The following PCDHGA2 variants were observed in gnomAD, a reference collection of about 807,000 sequenced individuals.
The protein encoded by PCDHGA2 is protocadherin gamma-A2.
Under a neutral mutation model 59.2 loss-of-function variants are expected in PCDHGA2, and 40 were observed. The ratio of observed to expected loss-of-function variants is 0.68; its 90% CI spans 0.52 to 0.88. The LOEUF is 0.88. Ranked by LOEUF, PCDHGA2 falls within the 40% of genes least tolerant of loss-of-function variation. The pLI is 0.00. For synonymous variants in PCDHGA2, 560 were observed against 526.0 expected (o/e 1.06, Z -0.89); for missense variants, 1,226 against 1,204.0 (o/e 1.02, Z -0.27).
intron 1 of PCDHGA2, among the ~76,000 whole-genome samples, chr5:141,449,549 A>G (rs1431239786): frequency 6.8e-6 from 1 of 147,830 alleles, no homozygotes; most frequent in East Asian, 2.0e-4. Context: ...AGATCGCACC[A>G]CTGCACTCCA....
rs771162532 is a variant in PCDHGA2, at chr5:141,491,756, C to A, written c.2425-3051C>A. On this transcript the variant is annotated intron_variant, in intron 1 of 3. Transcript: ENST00000394576. The surrounding 1 kb of genome is among the most constrained non-coding windows in gnomAD (Gnocchi z 6.9). ...CCTGGGGGCGGCACTGGAGAAGCCGCCCGTCCTCATAAGGGATTGAACTTG... is the reference window on the plus strand; with the variant it reads ...CCTGGGGGCGGCACTGGAGAAGCCGACCGTCCTCATAAGGGATTGAACTTG... The A allele has an allele frequency of 6.3e-7, 1 of 1,581,720 alleles. No individual in the cohort carries two copies. Among genetic ancestry groups the A allele is most frequent in the Middle Eastern group, 1.7e-4 (1 of 5,958 alleles).
Position 141,345,233 on chromosome 5 carries a change from A to G in PCDHGA2, c.2424+3838A>G, listed in dbSNP as rs202138177. On this transcript the variant is annotated intron_variant, in intron 1 of 3. Transcript: ENST00000394576. The stretch of plus-strand genomic sequence containing the variant: ...TTAAGTTAGAAAAATCAATAGATCA[A>G]TATTACCGCTTAGTGACGGCCACAT... 364 of 1,613,968 alleles carry G rather than the reference A, an allele frequency of 2.3e-4. No individual in the cohort carries two copies. In the East Asian group the frequency reaches 7.0e-3, roughly 31 times the overall value.
At chr5:141,375,214 C>G in intron 1 of PCDHGA2, 1 of 1,613,810 alleles carries the variant, frequency 6.2e-7, no homozygotes. Flanking sequence ...GAGACTCTGG[C>G]CTGAATGGCC....
Position 141,492,023 on chromosome 5 carries a change from C to G in PCDHGA2, c.2425-2784C>G, listed in dbSNP as rs536734764. 1.8e-4 allele frequency: 102 copies of G among 564,804 alleles called. 3 individuals carry two copies. In the South Asian group the frequency reaches 2.8e-3, roughly 15 times the overall value. The allele number at this position is 564,804 out of a possible 1,614,324, so 35.0% of individuals were successfully genotyped here. A position where few individuals can be genotyped will look rare whatever the true frequency, so the allele number is the denominator to read the frequency against. On this transcript the variant is annotated intron_variant, in intron 1 of 3. Coordinates refer to ENST00000394576, the MANE Select transcript of PCDHGA2 (RefSeq NM_018915.4). Reference sequence around the variant, plus strand: ...CGATTTCCGCGGGTGTCGGGGGTCCCGGGAGGAGGCAGTCACAGATCCACC... The same window carrying G: ...CGATTTCCGCGGGTGTCGGGGGTCCGGGGAGGAGGCAGTCACAGATCCACC...
intron 1 of PCDHGA2, chr5:141,384,334 C>G (rs1779970411): frequency 2.5e-6 from 4 of 1,613,846 alleles, no homozygotes; most frequent in Non-Finnish European, 2.5e-6. Flanking sequence ...TGCACAGGAC[C>G]ACGACAGTGA....
At chr5:141,438,287 T>C (rs1183751436) in intron 1 of PCDHGA2, among the ~76,000 whole-genome samples, 1 of 152,054 alleles carries the variant, frequency 6.6e-6, no homozygotes, top group African/African-American at 2.4e-5. Context: ...TAATTTAATC[T>C]GTATGTAAAA....
intron 1 of PCDHGA2, among the ~76,000 whole-genome samples, chr5:141,446,698 G>A (rs750413432): frequency 2.0e-5 from 3 of 152,186 alleles, no homozygotes; most frequent in Admixed American, 6.5e-5. Flanking sequence ...GGCTGGTCTC[G>A]AACTCTGATC....
In PCDHGA2 at chr5:141,339,246, G is replaced by C. The variant is rs757510956; in HGVS notation, c.275G>C (p.Arg92Pro). The C allele has an allele frequency of 3.7e-6, 6 of 1,614,174 alleles. No individual in the cohort carries two copies. Among genetic ancestry groups the C allele is most frequent in the Non-Finnish European group, 5.1e-6 (6 of 1,180,036 alleles). The change falls in exon 1 of 4, where the codon CGG becomes CCG. Residue 92 changes from arginine to proline, a missense_variant. Transcript: ENST00000394576. ...GSLVTANRID[R>P]EELCAQSAPC... The stretch of plus-strand genomic sequence containing the variant: ...TTGGTCACTGCGAACAGGATAGACC[G>C]GGAGGAGCTCTGCGCTCAGAGCGCA...
chr5:141,402,839 C>T (rs2094312458), intron 1 of PCDHGA2: 1 of 1,386,198 alleles, frequency 7.2e-7, no homozygotes, highest in Non-Finnish European at 9.5e-7. Context: ...TGCAGCAAAA[C>T]TCAGCCTCTT....
At chr5:141,383,300 T>C in intron 1 of PCDHGA2, 1 of 1,613,968 alleles carries the variant, frequency 6.2e-7, no homozygotes, top group Non-Finnish European at 8.5e-7. Context: ...CCAAGATTCT[T>C]GACGGAAGAA....
intron 1 of PCDHGA2, among the ~76,000 whole-genome samples, chr5:141,482,723 A>G (rs1441054551): frequency 2.3e-5 from 3 of 128,892 alleles, no homozygotes; most frequent in Non-Finnish European, 4.9e-5. Context: ...GGGAGGGGCC[A>G]TTGCAAGAAA....
chr5:141,429,169 TACACACACACACACACACAC>T (rs10667977), intron 1 of PCDHGA2: 4 of 145,394 alleles, frequency 2.8e-5, no homozygotes, highest in Non-Finnish European at 6.0e-5. Flanking sequence ...ACATTGTTTA[TACACACACACACACACACAC>T]ACACACACAC....
chr5:141,345,242 CTTAG>C, intron 1 of PCDHGA2: 1 of 1,613,948 alleles, frequency 6.2e-7, no homozygotes. Flanking sequence ...AATATTACCG[CTTAG>C]TGACGGCCAC....
At position 141,413,888 on chromosome 5, in the gene PCDHGA2, A is replaced by G. The variant is rs777389288; in HGVS notation, c.2424+72493A>G. On this transcript the variant is annotated intron_variant, in intron 1 of 3. Transcript: ENST00000394576. Reference sequence around the variant, plus strand: ...GTCCTTGTCAGTGTGACTGTCTTCGATGCAAATGACAACGCGCCGGTCTTC... The same window carrying G: ...GTCCTTGTCAGTGTGACTGTCTTCGGTGCAAATGACAACGCGCCGGTCTTC... The G allele has an allele frequency of 2.5e-5, 40 of 1,613,256 alleles. No individual in the cohort carries two copies. Among genetic ancestry groups the G allele is most frequent in the Non-Finnish European group, 3.4e-5 (40 of 1,179,886 alleles).
chr5:141,499,689 C>CTTTTTTTT (rs545067566), intron 2 of PCDHGA2, among the ~76,000 whole-genome samples: 2 of 119,854 alleles, frequency 1.7e-5, no homozygotes, highest in Non-Finnish European at 1.7e-5. Context: ...TAACAGATGA[C>CTTTTTTTT]TTTTTTTTTT....
chr5:141,388,256 G>T, intron 1 of PCDHGA2: 1 of 1,611,074 alleles, frequency 6.2e-7, no homozygotes, highest in Non-Finnish European at 8.5e-7. Flanking sequence ...TGGAGATCGA[G>T]GACATTAATG....
At position 141,356,156 on chromosome 5, in the gene PCDHGA2, T is replaced by C. The variant is rs562303967; in HGVS notation, c.2424+14761T>C. ...GACTCTGGATTCTATGACATAGATG[T>C]AGAAGCCCATGATGGGCCTGGTCTC... On this transcript the variant is annotated intron_variant, in intron 1 of 3. Coordinates refer to ENST00000394576, the MANE Select transcript of PCDHGA2 (RefSeq NM_018915.4). The C allele has an allele frequency of 2.3e-5, 37 of 1,613,352 alleles. No individual in the cohort carries two copies. The Admixed American group carries it at 2.3e-4, about 10-fold the overall frequency.
At position 141,512,045 on chromosome 5, in the gene PCDHGA2, C is replaced by T. The variant is rs568357347; in HGVS notation, c.*872C>T. On this transcript the variant is annotated 3_prime_UTR_variant, in exon 4 of 4. Transcript: ENST00000394576. ...GGCCTTGGAGGAGGCTCTGTATGTC[C>T]TCAGGGGACTGACAACATCCTCCAG... The T allele has an allele frequency of 1.5e-3, 224 of 152,846 alleles. 2 individuals are homozygous for T. The highest frequency in any genetic ancestry group is 4.6e-4 in the Non-Finnish European group (31 of 68,130). The allele number at this position is 152,846 out of a possible 1,614,324, so 9.5% of individuals were successfully genotyped here. A position where few individuals can be genotyped will look rare whatever the true frequency, so the allele number is the denominator to read the frequency against.
intron 1 of PCDHGA2, chr5:141,365,377 C>T (rs1259011654): frequency 3.1e-6 from 5 of 1,613,982 alleles, no homozygotes; most frequent in Non-Finnish European, 4.2e-6. Context: ...AAGTGATCCT[C>T]ACCTCTCTGA....
Sources: allele counts gnomAD v4.1 joint callset (sites outside exome capture counted in the v4.1 genomes callset), GRCh38; gene constraint gnomAD v4.1.1; non-coding constraint Gnocchi (gnomAD v3.1); transcripts MANE v1.5; gene names NCBI Gene and HGNC (gene_info 2026-07-23, HGNC 2026-07-21).